Variants in NOS1AP observed in about 807,000 individuals in gnomAD.
NOS1AP encodes the protein nitric oxide synthase 1 adaptor protein.
Under a neutral mutation model 56.2 loss-of-function variants are expected in NOS1AP, and 21 were observed. The observed-to-expected ratio is 0.37, with a 90% confidence interval of 0.26 to 0.54. The LOEUF (loss-of-function observed/expected upper bound fraction) is 0.54. Ranked by LOEUF, NOS1AP falls within the 20% of genes least tolerant of loss-of-function variation. The pLI is 0.84. For synonymous variants in NOS1AP, 270 were observed against 274.6 expected (o/e 0.98, Z 0.17); for missense variants, 522 against 657.8 (o/e 0.79, Z 2.26).
At chr1:162,146,249 A>C (rs1048007083) in intron 1 of NOS1AP, among the ~76,000 whole-genome samples, 4 of 152,158 alleles carry the variant, frequency 2.6e-5, no homozygotes, top group African/African-American at 7.2e-5. Context: ...CTTGTTCTTA[A>C]TGATAGTTAA....
At chr1:162,288,288 A>G in intron 3 of NOS1AP, among the ~76,000 whole-genome samples, 1 of 152,150 alleles carries the variant, frequency 6.6e-6, no homozygotes, top group African/African-American at 2.4e-5. Flanking sequence ...TTTTACATTT[A>G]TTGATGGTAG....
At chr1:162,338,128 C>T (rs1656999436) in intron 5 of NOS1AP, among the ~76,000 whole-genome samples, 3 of 152,078 alleles carry the variant, frequency 2.0e-5, no homozygotes, top group Admixed American at 2.0e-4. Flanking sequence ...TCTTGTATTG[C>T]TGTGATAGAT....
At chr1:162,078,783 A>T (rs1008893691) in intron 1 of NOS1AP, among the ~76,000 whole-genome samples, 1 of 152,176 alleles carries the variant, frequency 6.6e-6, no homozygotes, top group Non-Finnish European at 1.5e-5. Context: ...GCTTCAACCC[A>T]ACTGTAGTAC....
At chr1:162,362,050 A>C (rs557427014) in intron 8 of NOS1AP, among the ~76,000 whole-genome samples, 1 of 152,226 alleles carries the variant, frequency 6.6e-6, no homozygotes. Flanking sequence ...GAGAGAAGTG[A>C]GTTGTCTACA....
At chr1:162,167,492 C>T (rs1339485177) in intron 2 of NOS1AP, among the ~76,000 whole-genome samples, 2 of 152,196 alleles carry the variant, frequency 1.3e-5, no homozygotes, top group Non-Finnish European at 2.9e-5. Flanking sequence ...GGGGAGTCCC[C>T]GGTTTGACTC....
chr1:162,108,769 G>A (rs539065876), intron 1 of NOS1AP, among the ~76,000 whole-genome samples: 3 of 152,110 alleles, frequency 2.0e-5, no homozygotes, highest in South Asian at 2.1e-4. Context: ...TAAAACTATG[G>A]GAGTGCAATC....
intron 6 of NOS1AP, among the ~76,000 whole-genome samples, chr1:162,353,184 G>C (rs934540451): frequency 6.6e-6 from 1 of 152,024 alleles, no homozygotes; most frequent in Non-Finnish European, 1.5e-5. Context: ...ATTGCTGCTG[G>C]ATCTATCCTC....
chr1:162,114,689 TGCTAGGACATAATAAGG>T (rs1488190601), intron 1 of NOS1AP, among the ~76,000 whole-genome samples: 1 of 152,192 alleles, frequency 6.6e-6, no homozygotes, highest in Non-Finnish European at 1.5e-5. Flanking sequence ...CAACCTTCCT[TGCTAGGACATAATAAGG>T]GCTAAAGTCA....
chr1:162,233,668 AG>A (rs1208063083), intron 2 of NOS1AP, among the ~76,000 whole-genome samples: 2 of 152,180 alleles, frequency 1.3e-5, no homozygotes, highest in Non-Finnish European at 2.9e-5. Context: ...ATTTATTTTA[AG>A]TACTTTATTG....
chr1:162,319,645 A>G (rs1325157997), intron 4 of NOS1AP, among the ~76,000 whole-genome samples: 1 of 152,016 alleles, frequency 6.6e-6, no homozygotes, highest in Non-Finnish European at 1.5e-5. Flanking sequence ...CCATTGTCCC[A>G]GATCTGCTCA....
At chr1:162,340,259 T>C (rs1657068084) in intron 5 of NOS1AP, among the ~76,000 whole-genome samples, 1 of 152,214 alleles carries the variant, frequency 6.6e-6, no homozygotes, top group Non-Finnish European at 1.5e-5. Context: ...TTAAACTGTT[T>C]ACCACTCAGT....
intron 2 of NOS1AP, among the ~76,000 whole-genome samples, chr1:162,215,447 C>T (rs1351161060): frequency 6.6e-6 from 1 of 152,240 alleles, no homozygotes; most frequent in Non-Finnish European, 1.5e-5. Flanking sequence ...GGGCTAGGCT[C>T]ATGAGCCCTG....
intron 2 of NOS1AP, among the ~76,000 whole-genome samples, chr1:162,202,570 G>A (rs1253053650): frequency 6.6e-6 from 1 of 151,806 alleles, no homozygotes; most frequent in African/African-American, 2.4e-5. Context: ...CTCTAATGTG[G>A]GCCATTAAGT....
intron 2 of NOS1AP, among the ~76,000 whole-genome samples, chr1:162,265,466 A>G (rs1017365435): frequency 1.4e-5 from 2 of 146,596 alleles, no homozygotes; most frequent in African/African-American, 5.0e-5. Flanking sequence ...TCTATGAGTG[A>G]GAACATGCGG....
chr1:162,142,966 GT>G (rs1180253313), intron 1 of NOS1AP, among the ~76,000 whole-genome samples: 1 of 152,150 alleles, frequency 6.6e-6, no homozygotes, highest in African/African-American at 2.4e-5. Context: ...CATTTGTGGG[GT>G]TTCATTCAGC....
intron 3 of NOS1AP, among the ~76,000 whole-genome samples, chr1:162,289,016 C>G (rs758105938): frequency 1.3e-5 from 2 of 152,066 alleles, no homozygotes; most frequent in Non-Finnish European, 2.9e-5. Flanking sequence ...TTAAAGAAAT[C>G]GTGGATGATG....
intron 2 of NOS1AP, among the ~76,000 whole-genome samples, chr1:162,278,694 TGTGTGTGTGTG>T (rs1654824655): frequency 3.3e-5 from 5 of 151,908 alleles, no homozygotes; most frequent in Non-Finnish European, 7.4e-5. Context: ...TGTGTGTGTG[TGTGTGTGTGTG>T]TGTGTGTAGA....
chr1:162,252,113 T>C (rs1653882036), intron 2 of NOS1AP, among the ~76,000 whole-genome samples: 4 of 152,032 alleles, frequency 2.6e-5, no homozygotes, highest in Non-Finnish European at 5.9e-5. Context: ...AATCTTGGCT[T>C]ACTGCAGCCT....
At chr1:162,243,063 A>G (rs1203551530) in intron 2 of NOS1AP, among the ~76,000 whole-genome samples, 1 of 152,170 alleles carries the variant, frequency 6.6e-6, no homozygotes, top group Non-Finnish European at 1.5e-5. Flanking sequence ...GATTGTCCCT[A>G]AGGGAGCCTA....
Sources: gnomAD v4.1 joint callset for allele counts (sites outside exome capture counted in the v4.1 genomes callset) on GRCh38, gnomAD v4.1.1 for gene constraint, MANE v1.5 for transcripts, NCBI Gene and HGNC (gene_info 2026-07-23, HGNC 2026-07-21) for gene names.